Variants in HMGXB4 observed in about 807,000 individuals in gnomAD.
HMGXB4 encodes HMG-box containing 4, also known as HMG domain-containing protein 4.
Under a neutral mutation model 63.9 loss-of-function variants are expected in HMGXB4, and 27 were observed. That is an observed-to-expected ratio of 0.42 (90% CI 0.31 to 0.58). HMGXB4 has a LOEUF of 0.58. Among genes scored for constraint, HMGXB4 ranks in the 20% least tolerant of loss-of-function variants. The probability of loss-of-function intolerance (pLI) is 0.13; values close to 1 mark genes in which losing one functional copy is unlikely to be tolerated. For missense variants in HMGXB4, 624 were observed against 700.7 expected, an observed-to-expected ratio of 0.89 and a Z score of 1.24; for synonymous variants, 264 against 265.3, an observed-to-expected ratio of 0.99 and a Z score of 0.05.
At chr22:35,278,789 C>T (rs1924058649) in intron 5 of HMGXB4, among the ~76,000 whole-genome samples, 1 of 147,918 alleles carries the variant, frequency 6.8e-6, no homozygotes, top group African/African-American at 2.5e-5. Context: ...GCTGGGGCTA[C>T]AAGCATGCAC....
chr22:35,265,180 T>C lies in HMGXB4; in HGVS notation c.792T>C (p.Pro264=), dbSNP rs757911397. Residue 264 remains proline, a synonymous_variant, in exon 5 of 11, where the codon CCT becomes CCC. Coordinates refer to ENST00000216106, the MANE Select transcript of HMGXB4 (RefSeq NM_001003681.3). ...CAGACGCACATTCATCTCCTGGCCC[T>C]GAAGGCTGTGGGTCTGACGCCTCCC... The part of the protein sequence containing the change: ...SSSDAHSSPG[P]EGCGSDASQF... The C allele has an allele frequency of 4.3e-6, 7 of 1,613,982 alleles. No individual in the cohort carries two copies. The highest frequency in any genetic ancestry group is 3.3e-5 in the South Asian group (3 of 91,066).
intron 2 of HMGXB4, chr22:35,262,782 G>A (rs369117262): frequency 5.2e-5 from 26 of 504,444 alleles, no homozygotes; most frequent in East Asian, 4.3e-4. Flanking sequence ...TCAGCCTTTC[G>A]TCTGCAAGTC....
Position 35,266,841 on chromosome 22 carries a change from T to C in HMGXB4, c.1215+1238T>C, listed in dbSNP as rs112993983. Among the ~76,000 whole-genome samples, 1,231 of 152,084 alleles carry C rather than the reference T, an allele frequency of 8.1e-3. 12 individuals carry two copies. Among genetic ancestry groups the C allele is most frequent in the African/African-American group, 0.028 (1,149 of 41,498 alleles). On this transcript the variant is annotated intron_variant, in intron 5 of 10. Transcript: ENST00000216106. Reference sequence around the variant, plus strand: ...CTACAAAAAAATACAAAAATTTGCCTGGTGTGGGGGTGCACATCTATAGTC... The same window carrying C: ...CTACAAAAAAATACAAAAATTTGCCCGGTGTGGGGGTGCACATCTATAGTC...
upstream of HMGXB4, among the ~76,000 whole-genome samples, chr22:35,256,412 G>C (rs1167682589): frequency 2.0e-5 from 3 of 152,148 alleles, no homozygotes; most frequent in African/African-American, 7.2e-5. Context: ...GCTTCTGCTT[G>C]AGCGCTCCTC....
At chr22:35,244,204 T>C in the HMGXB4 span, among the ~76,000 whole-genome samples, 8 of 152,170 alleles carry the variant, frequency 5.3e-5, no homozygotes, top group Non-Finnish European at 2.9e-5. Context: ...GGATCTTTTG[T>C]TGTAGTCCCA....
chr22:35,288,407 G>A lies in HMGXB4; in HGVS notation c.1638G>A (p.Glu546=). 3 of 1,587,020 alleles carry A rather than the reference G, an allele frequency of 1.9e-6. No individual in the cohort carries two copies. The highest frequency in any genetic ancestry group is 2.6e-6 in the Non-Finnish European group (3 of 1,166,014). ...SLIGHRLQET[E]GMVAVSGSLS... The stretch of plus-strand genomic sequence containing the variant: ...TTGGACACCGTCTGCAGGAAACTGA[G>A]GTGAATACAACTATCAGCAGCATGA... The change falls in exon 9 of 11, where the codon GAG becomes GAA. Residue 546 remains glutamate, a splice_region_variant and synonymous_variant. Coordinates refer to ENST00000216106, the MANE Select transcript of HMGXB4 (RefSeq NM_001003681.3).
At chr22:35,268,623 C>T (rs1261380901) in intron 5 of HMGXB4, among the ~76,000 whole-genome samples, 1 of 152,206 alleles carries the variant, frequency 6.6e-6, no homozygotes, top group Admixed American at 6.5e-5. Flanking sequence ...GTCTGTCTTG[C>T]TATCCCTAGT....
At position 35,288,447 on chromosome 22, in the gene HMGXB4, A is replaced by T. The variant is rs762167677; in HGVS notation, c.1638+40A>T. On this transcript the variant is annotated intron_variant, in intron 9 of 10. Transcript: ENST00000216106. ...CAGCAGCATGACTACAGTTTCCCAT[A>T]TAGTTTCCCATATAATTTTGATTCA... 3.4e-6 allele frequency: 5 copies of T among 1,454,588 alleles called. No homozygotes were observed. The African/African-American group carries it at 4.3e-5, about 12-fold the overall frequency. The allele number at this position is 1,454,588 out of a possible 1,614,324, so 90.1% of individuals were successfully genotyped here.
rs925147863 is a variant in HMGXB4 at position 35,265,554 on chromosome 22, A to G, written c.1166A>G (p.Lys389Arg). Residue 389 changes from lysine (K) to arginine (R), a missense_variant, in exon 5 of 11, where the codon AAA becomes AGA. Coordinates refer to ENST00000216106, the MANE Select transcript of HMGXB4 (RefSeq NM_001003681.3). ...PGLHTDGHSE[K>R]KKKKEEKDKE... ...CTCCACACAGATGGGCATAGTGAAA[A>G]AAAAAAGAAAAAAGAAGAGAAGGAC... 3.8e-6 allele frequency: 6 copies of G among 1,591,458 alleles called. No homozygotes were observed. The highest frequency in any genetic ancestry group is 5.1e-6 in the Non-Finnish European group (6 of 1,173,306).
chr22:35,264,810 C>T lies in HMGXB4; in HGVS notation c.422C>T (p.Ser141Leu), dbSNP rs199695099. 13 of 1,614,104 alleles carry T rather than the reference C, an allele frequency of 8.1e-6. No homozygotes were observed. Among genetic ancestry groups the T allele is most frequent in the East Asian group, 6.7e-5 (3 of 44,886 alleles). The change falls in exon 5 of 11, where the codon TCG becomes TTG. Residue 141 changes from serine to leucine, a missense_variant. Ser to Leu is a moderately radical substitution (Grantham distance 145). Coordinates refer to ENST00000216106, the MANE Select transcript of HMGXB4 (RefSeq NM_001003681.3). ...AAATCCTCTGGCTCTTCAAGCCATT[C>T]GGAGAGTAAAAAGGAGCACCACAGG... ...GEKSSGSSSH[S>L]ESKKEHHRKK...
chr22:35,266,479 C>T (rs996141997), intron 5 of HMGXB4, among the ~76,000 whole-genome samples: 3 of 152,290 alleles, frequency 2.0e-5, no homozygotes, highest in Admixed American at 6.5e-5. Flanking sequence ...TAGTTGTTGA[C>T]TTTAGGGAGC....
intron 2 of HMGXB4, chr22:35,262,717 A>T: frequency 1.9e-6 from 1 of 520,584 alleles, no homozygotes; most frequent in Non-Finnish European, 3.4e-6. Flanking sequence ...TGGGGATAGG[A>T]ATCACATCCT....
the HMGXB4 span, among the ~76,000 whole-genome samples, chr22:35,249,095 G>A: frequency 7.6e-4 from 115 of 152,040 alleles, no homozygotes; most frequent in African/African-American, 2.7e-3. Flanking sequence ...GTCTTGTTCT[G>A]TCACCCAGGC....
the HMGXB4 span, among the ~76,000 whole-genome samples, chr22:35,242,530 GCTCTCTCTCTCT>G: frequency 6.9e-6 from 1 of 145,974 alleles, no homozygotes; most frequent in East Asian, 2.0e-4. Context: ...ATAGTAATCT[GCTCTCTCTCTCT>G]CTCTCTCTCT....
chr22:35,255,202 G>C (rs1922338715), upstream of HMGXB4, among the ~76,000 whole-genome samples: 1 of 152,044 alleles, frequency 6.6e-6, no homozygotes, highest in South Asian at 2.1e-4. Flanking sequence ...AAGGGAAAAA[G>C]AAACTCCTTC....
the HMGXB4 span, among the ~76,000 whole-genome samples, chr22:35,245,344 G>GT: frequency 8.2e-6 from 1 of 121,986 alleles, no homozygotes. Flanking sequence ...TTTTTTTTTT[G>GT]GCTGAGACTA....
In HMGXB4 at chr22:35,279,699, T is replaced by TTTTTTTTTTTTTTTTTTTTTTTTTTTTTG. The variant is rs144948164; in HGVS notation, c.1216-4263_1216-4262insTTTTTTTTTTTTTTTTTTTTTTTTTTTTG. On this transcript the variant is annotated intron_variant, in intron 5 of 10. Transcript: ENST00000216106. ...TTCCTTTTTTTTTTTTTTTTTTTTT[T>TTTTTTTTTTTTTTTTTTTTTTTTTTTTTG]GGCATGTGGATATCCAATTGTCCCA... Among the ~76,000 whole-genome samples, 2 of 108,154 alleles carry TTTTTTTTTTTTTTTTTTTTTTTTTTTTTG rather than the reference T, an allele frequency of 1.8e-5. 1 individual carries two copies. Among genetic ancestry groups the TTTTTTTTTTTTTTTTTTTTTTTTTTTTTG allele is most frequent in the Non-Finnish European group, 4.0e-5 (2 of 50,384 alleles). The allele number at this position is 108,154 out of a possible 152,430, so 71.0% of individuals were successfully genotyped here.
chr22:35,279,132 CTTTTTTTTTTTTTT>C (rs551006065), intron 5 of HMGXB4, among the ~76,000 whole-genome samples: 3 of 50,802 alleles, frequency 5.9e-5, no homozygotes, highest in Admixed American at 3.5e-4. Context: ...TATGGATTGT[CTTTTTTTTTTTTTT>C]TTTTTTTTTT....
chr22:35,289,787 T>C (rs746521010), intron 9 of HMGXB4, among the ~76,000 whole-genome samples: 1 of 152,248 alleles, frequency 6.6e-6, no homozygotes, highest in Non-Finnish European at 1.5e-5. Flanking sequence ...TATTACCATA[T>C]TCAATTTCTA....
Sources: gnomAD v4.1 joint callset for allele counts (sites outside exome capture counted in the v4.1 genomes callset) on GRCh38, gnomAD v4.1.1 for gene constraint, MANE v1.5 for transcripts, NCBI Gene and HGNC (gene_info 2026-07-23, HGNC 2026-07-21) for gene names.